The following CDKAL1 variants were observed in gnomAD, a reference collection of about 807,000 sequenced individuals.
The protein encoded by CDKAL1 is threonylcarbamoyladenosine tRNA methylthiotransferase.
CDKAL1 carries 32 observed loss-of-function variants against 68.2 expected under a neutral mutation model. That is an observed-to-expected ratio of 0.47 (90% CI 0.35 to 0.63). The LOEUF is 0.63. Among genes scored for constraint, CDKAL1 ranks in the 30% least tolerant of loss-of-function variants. The pLI is 0.00. For synonymous variants in CDKAL1, 234 were observed against 244.3 expected (o/e 0.96, Z 0.39); for missense variants, 606 against 696.7 (o/e 0.87, Z 1.47).
rs183488652 is a variant in CDKAL1, at chr6:21,036,953, C to T, written c.1056-28095C>T. 3.3e-5 allele frequency among the ~76,000 whole-genome samples: 5 copies of T among 152,206 alleles called. No individual in the cohort carries two copies. In the East Asian group the frequency reaches 7.7e-4, roughly 23 times the overall value. On this transcript the variant is annotated intron_variant, in intron 11 of 15. Transcript: ENST00000274695. ...TAGAACATTGAGAAGGGAAAGGTAG[C>T]GAGAGGAGATTAGACAAGAGGATTC...
At chr6:20,588,098 A>G (rs1765450066) in intron 4 of CDKAL1, among the ~76,000 whole-genome samples, 1 of 152,208 alleles carries the variant, frequency 6.6e-6, no homozygotes, top group African/African-American at 2.4e-5. Context: ...CCCTGCCTCA[A>G]AACAAAACAA....
At chr6:21,195,865 C>T (rs1760402480) in intron 13 of CDKAL1, among the ~76,000 whole-genome samples, 1 of 152,094 alleles carries the variant, frequency 6.6e-6, no homozygotes. Flanking sequence ...AATAGGATGA[C>T]TCCTCAGTTG....
intron 15 of CDKAL1, among the ~76,000 whole-genome samples, chr6:21,221,241 G>A (rs1779529254): frequency 6.6e-6 from 1 of 152,010 alleles, no homozygotes; most frequent in African/African-American, 2.4e-5. Flanking sequence ...TTTTTTTCAT[G>A]GAGGGGAAAC....
chr6:20,788,192 AG>A lies in CDKAL1; in HGVS notation c.638+6929del, dbSNP rs549104917. ...AACATACAGAGCAATCTCCTCTGGA[AG>A]GTGGCCTTTCTGATTAAATACTAGC... is the stretch of plus-strand genomic sequence containing the variant. On this transcript the variant is annotated intron_variant, in intron 8 of 15. Transcript: ENST00000274695. 4.4e-3 allele frequency among the ~76,000 whole-genome samples: 665 copies of A among 152,342 alleles called. 3 individuals are homozygous for A. The highest frequency in any genetic ancestry group is 7.2e-3 in the Non-Finnish European group (491 of 68,020).
rs879740732 is a variant in CDKAL1, at chr6:21,188,813, AT to A, written c.1300-9197del. Among the ~76,000 whole-genome samples, 1,320 of 148,788 alleles carry A rather than the reference AT, an allele frequency of 8.9e-3. 7 individuals carry two copies. The highest frequency in any genetic ancestry group is 0.016 in the African/African-American group (660 of 40,758). On this transcript the variant is annotated intron_variant, in intron 13 of 15. Transcript: ENST00000274695. ...TTTCATGTTATATGTTCTTACCACA[AT>A]TTTTTTTTTTAATTCCACAAAAAGC...
intron 7 of CDKAL1, 43 bp from the exon 8 acceptor site, chr6:20,781,102 T>C (rs1458179221): frequency 6.3e-7 from 1 of 1,578,706 alleles, no homozygotes; most frequent in African/African-American, 1.4e-5. Flanking sequence ...TACAGTGAAG[T>C]GTGTAACTCT....
chr6:20,630,397 A>T (rs1426753336), intron 4 of CDKAL1, among the ~76,000 whole-genome samples: 1 of 151,604 alleles, frequency 6.6e-6, no homozygotes, highest in African/African-American at 2.4e-5. Context: ...TATCAGTCCC[A>T]CCTATTGTCT....
chr6:20,928,153 C>G (rs1229419666), intron 9 of CDKAL1, among the ~76,000 whole-genome samples: 5 of 152,114 alleles, frequency 3.3e-5, no homozygotes, highest in Non-Finnish European at 7.4e-5. Flanking sequence ...AGTAACCATC[C>G]TCAGCTGATG....
intron 8 of CDKAL1, among the ~76,000 whole-genome samples, chr6:20,782,616 T>C (rs543221803): frequency 6.6e-6 from 1 of 152,334 alleles, no homozygotes; most frequent in South Asian, 2.1e-4. Flanking sequence ...CCTCTGTAAC[T>C]TTAATTGGCA....
intron 4 of CDKAL1, among the ~76,000 whole-genome samples, chr6:20,564,917 G>C (rs569466326): frequency 2.0e-4 from 31 of 152,226 alleles, no homozygotes; most frequent in Admixed American, 1.9e-3. Flanking sequence ...CTAGGTCCAG[G>C]TCCTGCGAAG....
At chr6:21,190,326 T>G (rs935624642) in intron 13 of CDKAL1, among the ~76,000 whole-genome samples, 1 of 152,144 alleles carries the variant, frequency 6.6e-6, no homozygotes, top group Admixed American at 6.6e-5. Context: ...ATTAGAACCA[T>G]GATGTAAATG....
At chr6:20,805,270 A>G (rs1309663863) in intron 8 of CDKAL1, among the ~76,000 whole-genome samples, 1 of 152,134 alleles carries the variant, frequency 6.6e-6, no homozygotes, top group Admixed American at 6.6e-5. Flanking sequence ...CTGTCTCCTG[A>G]GTCTGTGAGT....
At chr6:20,617,765 G>A (rs753839819) in intron 4 of CDKAL1, among the ~76,000 whole-genome samples, 23 of 152,130 alleles carry the variant, frequency 1.5e-4, no homozygotes, top group Non-Finnish European at 3.2e-4. Flanking sequence ...TTTTATGGCT[G>A]CATAGTATTC....
At chr6:21,097,346 T>C (rs1773367024) in intron 12 of CDKAL1, among the ~76,000 whole-genome samples, 1 of 152,220 alleles carries the variant, frequency 6.6e-6, no homozygotes, top group Admixed American at 6.5e-5. Flanking sequence ...GGCAGGCACC[T>C]GTAGCCCCAG....
chr6:20,908,017 G>C (rs549092108), intron 9 of CDKAL1, among the ~76,000 whole-genome samples: 1 of 152,286 alleles, frequency 6.6e-6, no homozygotes, highest in South Asian at 2.1e-4. Context: ...GAGAGCACTG[G>C]CTGCAGCTTC....
intron 5 of CDKAL1, among the ~76,000 whole-genome samples, chr6:20,676,122 G>A (rs187303176): frequency 1.3e-5 from 2 of 152,100 alleles, no homozygotes; most frequent in African/African-American, 4.8e-5. Context: ...TAAGGTAATC[G>A]TTATTATGAG....
intron 5 of CDKAL1, among the ~76,000 whole-genome samples, chr6:20,693,946 C>T (rs1770984876): frequency 6.6e-6 from 1 of 151,208 alleles, no homozygotes; most frequent in Non-Finnish European, 1.5e-5. Flanking sequence ...GATCATGGCT[C>T]ACTGCAACCT....
At chr6:20,646,716 C>T (rs539596978) in intron 4 of CDKAL1, among the ~76,000 whole-genome samples, 1 of 152,140 alleles carries the variant, frequency 6.6e-6, no homozygotes, top group East Asian at 1.9e-4. Flanking sequence ...ACAGATAGTT[C>T]AGATGGATTA....
intron 9 of CDKAL1, among the ~76,000 whole-genome samples, chr6:20,901,612 C>T (rs1253179609): frequency 1.5e-5 from 2 of 134,056 alleles, no homozygotes; most frequent in African/African-American, 5.6e-5. Context: ...ACCTGGGAGG[C>T]AGAGCTTGCA....
Sources: gnomAD v4.1 joint callset for allele counts (sites outside exome capture counted in the v4.1 genomes callset) on GRCh38, gnomAD v4.1.1 for gene constraint, MANE v1.5 for transcripts, NCBI Gene and HGNC (gene_info 2026-07-23, HGNC 2026-07-21) for gene names.